The following FKBP5 variants were observed in gnomAD, a reference collection of about 807,000 sequenced individuals.
The protein encoded by FKBP5 is FKBP prolyl isomerase 5.
In FKBP5, 23 loss-of-function variants were observed where a neutral mutation model predicts 50.5. The observed-to-expected ratio is 0.46, with a 90% CI of 0.33 to 0.65. FKBP5 has a LOEUF of 0.65. Ranked by LOEUF, FKBP5 falls within the 30% of genes least tolerant of loss-of-function variation. FKBP5 has a pLI of 0.02. For synonymous variants in FKBP5, 176 were observed against 190.6 expected, an observed-to-expected ratio of 0.92 and a Z score of 0.63; for missense variants, 411 against 553.1, an observed-to-expected ratio of 0.74 and a Z score of 2.58.
intron 7 of FKBP5, among the ~76,000 whole-genome samples, chr6:35,589,110 TTATATATATATATA>T (rs1169766848): frequency 9.7e-6 from 1 of 103,006 alleles, no homozygotes; most frequent in African/African-American, 4.2e-5. Flanking sequence ...ATATATATTT[TTATATATATATATA>T]TATATTTTTT....
intron 6 of FKBP5, among the ~76,000 whole-genome samples, chr6:35,593,252 T>C (rs945134773): frequency 6.6e-6 from 1 of 152,202 alleles, no homozygotes; most frequent in South Asian, 2.1e-4. Flanking sequence ...ATCTAGACTA[T>C]GGTAACAGAA....
In FKBP5 at chr6:35,613,322, C is replaced by A. The variant is rs576836877; in HGVS notation, c.508+5774G>T. ...CTCCACCTCCCAGGATCAAGCAATTCTCCTGCCTCACCCTCCCAAGTAGCT... is the reference window on the plus strand; with the variant it reads ...CTCCACCTCCCAGGATCAAGCAATTATCCTGCCTCACCCTCCCAAGTAGCT... On this transcript the variant is annotated intron_variant, in intron 5 of 10. Transcript: ENST00000357266. Among the ~76,000 whole-genome samples, 126 of 152,296 alleles carry A rather than the reference C, an allele frequency of 8.3e-4. 1 individual carries two copies. Among genetic ancestry groups the A allele is most frequent in the African/African-American group, 2.9e-3 (121 of 41,556 alleles).
At chr6:35,715,011 G>A (rs1180774454) in intron 2 of FKBP5, among the ~76,000 whole-genome samples, 2 of 151,972 alleles carry the variant, frequency 1.3e-5, no homozygotes, top group Non-Finnish European at 2.9e-5. Flanking sequence ...GGGTTCAAGC[G>A]ATTCTCCTGC....
At chr6:35,668,388 A>C (rs1765287938) in intron 1 of FKBP5, among the ~76,000 whole-genome samples, 1 of 152,258 alleles carries the variant, frequency 6.6e-6, no homozygotes, top group South Asian at 2.1e-4. Flanking sequence ...GTTCAGGGGT[A>C]AACACACAAC....
upstream of FKBP5, among the ~76,000 whole-genome samples, chr6:35,689,684 T>C (rs140492776): frequency 1.3e-3 from 196 of 151,712 alleles, 2 homozygotes; most frequent in East Asian, 0.03. Flanking sequence ...CTACTAAAAA[T>C]ACAAAAATTA....
At chr6:35,630,635 T>C (rs957981575) in intron 3 of FKBP5, among the ~76,000 whole-genome samples, 4 of 152,252 alleles carry the variant, frequency 2.6e-5, no homozygotes, top group African/African-American at 9.6e-5. Flanking sequence ...GTTTGGGCTA[T>C]GTTTTAAACC....
At chr6:35,643,306 A>T (rs541970469) in intron 1 of FKBP5, among the ~76,000 whole-genome samples, 100 of 152,310 alleles carry the variant, frequency 6.6e-4, no homozygotes, top group African/African-American at 2.3e-3. Context: ...GCAGCTCTTG[A>T]CATTTCCAGT....
At position 35,645,702 on chromosome 6, in the gene FKBP5, G is replaced by C. The variant is rs537295221; in HGVS notation, c.-19-2859C>G. ...TAGGAGACACATGCTGTAGTATTTA[G>C]GGGTGAGGTGTCATGATATCTGCCA... is the stretch of plus-strand genomic sequence containing the variant. On this transcript the variant is annotated intron_variant, in intron 1 of 10. Transcript: ENST00000357266. 5.5e-4 allele frequency among the ~76,000 whole-genome samples: 84 copies of C among 152,330 alleles called. 1 individual carries two copies. The South Asian group carries it at 8.3e-3, about 15-fold the overall frequency.
At chr6:35,582,771 G>T in intron 8 of FKBP5, 1 of 985,350 alleles carries the variant, frequency 1.0e-6, no homozygotes, top group Non-Finnish European at 1.2e-6. Context: ...TTTCAGGTCG[G>T]CATTTTCTTT....
intron 8 of FKBP5, chr6:35,582,531 GGGAGCTACAA>G (rs1762467767): frequency 2.1e-6 from 1 of 482,784 alleles, no homozygotes; most frequent in Non-Finnish European, 2.7e-6. Context: ...ACAGCAAGAA[GGGAGCTACAA>G]GGAACCAGAG....
chr6:35,645,760 C>CT (rs1459592699), intron 1 of FKBP5, among the ~76,000 whole-genome samples: 1 of 152,176 alleles, frequency 6.6e-6, no homozygotes, highest in Non-Finnish European at 1.5e-5. Context: ...ACAATGCTTT[C>CT]TTTTGAATGT....
At chr6:35,643,940 G>A (rs1764562507) in intron 1 of FKBP5, among the ~76,000 whole-genome samples, 2 of 152,136 alleles carry the variant, frequency 1.3e-5, no homozygotes, top group Non-Finnish European at 2.9e-5. Context: ...AAAAGTGCAA[G>A]GAATTTGTAA....
intron 1 of FKBP5, among the ~76,000 whole-genome samples, chr6:35,665,491 A>G (rs1365885673): frequency 4.0e-5 from 6 of 151,626 alleles, no homozygotes; most frequent in Non-Finnish European, 7.4e-5. Flanking sequence ...GGGTTTCACT[A>G]TGTTTGCCAG....
chr6:35,607,329 C>G (rs1223428953), intron 5 of FKBP5, among the ~76,000 whole-genome samples: 1 of 150,678 alleles, frequency 6.6e-6, no homozygotes, highest in African/African-American at 2.4e-5. Flanking sequence ...CTACAGCCTC[C>G]TGAGTAGCCG....
chr6:35,719,610 T>A (rs554017118), intron 2 of FKBP5, among the ~76,000 whole-genome samples: 1 of 151,948 alleles, frequency 6.6e-6, no homozygotes, highest in East Asian at 1.9e-4. Context: ...GGTGCCCCTG[T>A]GTAGTCCACA....
At chr6:35,656,534 T>C (rs1446153639) in intron 1 of FKBP5, among the ~76,000 whole-genome samples, 2 of 152,164 alleles carry the variant, frequency 1.3e-5, no homozygotes, top group Non-Finnish European at 2.9e-5. Flanking sequence ...TCTGGCAAAA[T>C]ATGAATTCTG....
upstream of FKBP5, among the ~76,000 whole-genome samples, chr6:35,689,105 AT>A (rs578013924): frequency 2.6e-3 from 393 of 152,192 alleles, no homozygotes; most frequent in Middle Eastern, 0.037. Context: ...CCCCGCCCCC[AT>A]CATTTGCTCC....
chr6:35,700,213 T>G (rs944055016), intron 2 of FKBP5, among the ~76,000 whole-genome samples: 3 of 151,986 alleles, frequency 2.0e-5, no homozygotes, highest in Admixed American at 6.6e-5. Context: ...CAGGCTGGAG[T>G]ACAGTGGTGC....
intron 5 of FKBP5, among the ~76,000 whole-genome samples, chr6:35,601,110 T>C (rs1426437223): frequency 1.3e-5 from 2 of 152,228 alleles, no homozygotes; most frequent in Non-Finnish European, 2.9e-5. Flanking sequence ...ACATTTGTGA[T>C]AGCTCTTATA....
Sources: allele counts gnomAD v4.1 joint callset (sites outside exome capture counted in the v4.1 genomes callset), GRCh38; gene constraint gnomAD v4.1.1; transcripts MANE v1.5; gene names NCBI Gene and HGNC (gene_info 2026-07-23, HGNC 2026-07-21).